KANK1: variants seen among roughly 807,000 people sequenced by gnomAD.
KANK1 encodes KN motif and ankyrin repeat domains 1.
In KANK1, 109 loss-of-function variants were observed where a neutral mutation model predicts 106.2. That is an observed-to-expected ratio of 1.03 (90% CI 0.88 to 1.20). KANK1 has a LOEUF of 1.20. Among genes scored for constraint, KANK1 ranks in the 50% most tolerant of loss-of-function variants. KANK1 has a pLI of 0.00. For synonymous variants in KANK1, 873 were observed against 652.2 expected, an observed-to-expected ratio of 1.34 and a Z score of -5.16; for missense variants, 2,399 against 1,710.7, an observed-to-expected ratio of 1.40 and a Z score of -7.10.
At chr9:677,836 C>T (rs1816704469) in intron 2 of KANK1, among the ~76,000 whole-genome samples, 1 of 152,140 alleles carries the variant, frequency 6.6e-6, no homozygotes, top group South Asian at 2.1e-4. Context: ...AGAATTGGAG[C>T]CAGGAAACCT....
chr9:525,768 G>C (rs931582850), intron 1 of KANK1, among the ~76,000 whole-genome samples: 1 of 151,542 alleles, frequency 6.6e-6, no homozygotes, highest in Non-Finnish European at 1.5e-5. Context: ...TGATATAGGA[G>C]AATAAGCAGC....
intron 1 of KANK1, among the ~76,000 whole-genome samples, chr9:604,019 T>C (rs1281585139): frequency 1.3e-5 from 2 of 151,616 alleles, no homozygotes; most frequent in African/African-American, 4.9e-5. Flanking sequence ...TCTTTGTCTT[T>C]GTTTTTTCAT....
At chr9:523,485 C>G (rs1401273601) in intron 1 of KANK1, among the ~76,000 whole-genome samples, 3 of 151,792 alleles carry the variant, frequency 2.0e-5, no homozygotes, top group Non-Finnish European at 2.9e-5. Context: ...CTTTTAAAAA[C>G]AAAAGTCACA....
At chr9:708,557 T>C (rs1824975900) in intron 2 of KANK1, among the ~76,000 whole-genome samples, 1 of 152,214 alleles carries the variant, frequency 6.6e-6, no homozygotes, top group African/African-American at 2.4e-5. Context: ...ACGTCCTTTT[T>C]ATTCCTCTGC....
chr9:722,556 C>A (rs1829627276), intron 3 of KANK1, among the ~76,000 whole-genome samples: 1 of 152,192 alleles, frequency 6.6e-6, no homozygotes, highest in Non-Finnish European at 1.5e-5. Context: ...GTCAGTCTTA[C>A]ATTGGTGCAT....
intron 1 of KANK1, among the ~76,000 whole-genome samples, chr9:616,223 C>G (rs761972964): frequency 6.6e-6 from 1 of 152,152 alleles, no homozygotes; most frequent in Non-Finnish European, 1.5e-5. Context: ...CCGGTCCTAC[C>G]TTATTGCATG....
chr9:563,643 G>T (rs1233534080), intron 1 of KANK1, among the ~76,000 whole-genome samples: 6 of 152,102 alleles, frequency 3.9e-5, no homozygotes, highest in Non-Finnish European at 5.9e-5. Context: ...CTTATCCTTG[G>T]GTGTGAGGTC....
chr9:490,174 G>GT (rs1475827466), intron 3 of KANK1, among the ~76,000 whole-genome samples: 1 of 152,136 alleles, frequency 6.6e-6, no homozygotes, highest in Admixed American at 6.5e-5. Context: ...AGTTTTAGTT[G>GT]TTTCTAGACA....
intron 1 of KANK1, among the ~76,000 whole-genome samples, chr9:592,495 C>T (rs1430253216): frequency 6.6e-6 from 1 of 151,850 alleles, no homozygotes; most frequent in Non-Finnish European, 1.5e-5. Flanking sequence ...CCCTAGTCCG[C>T]TCTTTCACTG....
chr9:616,573 C>G (rs1427235161), intron 1 of KANK1, among the ~76,000 whole-genome samples: 1 of 152,182 alleles, frequency 6.6e-6, no homozygotes. Flanking sequence ...TACTTTATAT[C>G]CTCTATCCTT....
At chr9:518,410 G>GTTTT (rs1417618295) in intron 1 of KANK1, among the ~76,000 whole-genome samples, 1 of 151,574 alleles carries the variant, frequency 6.6e-6, no homozygotes, top group Non-Finnish European at 1.5e-5. Context: ...GCCCAGGGCA[G>GTTTT]TTTTTACTTT....
chr9:526,701 C>T (rs144720290), intron 1 of KANK1, among the ~76,000 whole-genome samples: 7 of 151,882 alleles, frequency 4.6e-5, no homozygotes, highest in Non-Finnish European at 7.3e-5. Flanking sequence ...GATTCCCTCT[C>T]CTCAGAGGAA....
intron 1 of KANK1, among the ~76,000 whole-genome samples, chr9:531,914 G>A (rs763478723): frequency 1.3e-5 from 2 of 152,142 alleles, no homozygotes; most frequent in African/African-American, 2.4e-5. Flanking sequence ...AGAGAGAAGA[G>A]AACTTTTGTC....
At chr9:586,349 G>C (rs1823464946) in intron 1 of KANK1, among the ~76,000 whole-genome samples, 1 of 152,200 alleles carries the variant, frequency 6.6e-6, no homozygotes, top group South Asian at 2.1e-4. Context: ...CTCTGTAAGA[G>C]AGAGTGGATA....
At chr9:606,584 TA>T (rs35392451) in intron 1 of KANK1, among the ~76,000 whole-genome samples, 53,653 of 138,076 alleles carry the variant, frequency 0.39, 12,817 homozygotes, top group South Asian at 0.56. Context: ...GTGTGTTTTA[TA>T]AACCTATAAA....
At position 711,025 on chromosome 9, in the gene KANK1, A is replaced by G; in HGVS notation, c.259A>G (p.Thr87Ala). Residue 87 changes from threonine (T) to alanine (A), a missense_variant, in exon 3 of 12, where the codon ACT becomes GCT. Physicochemically the swap from Thr to Ala is moderately conservative, Grantham distance 58. Transcript: ENST00000382297. ...RTTSGQQGIWTSTESLSSSNS... is the reference protein window; with the variant it reads ...RTTSGQQGIWASTESLSSSNS... The stretch of plus-strand genomic sequence containing the variant: ...CACATCTGGTCAGCAAGGTATATGG[A>G]CTTCCACTGAATCCCTCTCATCCTC... The G allele has an allele frequency of 6.2e-7, 1 of 1,614,180 alleles. No individual in the cohort carries two copies. The highest frequency in any genetic ancestry group is 8.5e-7 in the Non-Finnish European group (1 of 1,180,026).
intron 8 of KANK1, 52 bp from the exon 9 acceptor site, chr9:740,740 G>T (rs998670288): frequency 6.3e-7 from 1 of 1,577,200 alleles, no homozygotes. Context: ...GTAAGCGGCT[G>T]CTATTAGAAG....
intron 2 of KANK1, chr9:471,397 G>C (rs375464055): frequency 6.6e-6 from 1 of 152,332 alleles, no homozygotes; most frequent in East Asian, 1.9e-4. Flanking sequence ...TGGGGAGCAT[G>C]CTGAGGAGAG....
At chr9:527,612 T>C (rs114462544) in intron 1 of KANK1, among the ~76,000 whole-genome samples, 6,132 of 151,664 alleles carry the variant, frequency 0.04, 171 homozygotes, top group Non-Finnish European at 0.053. Context: ...CTCTCTGGTC[T>C]TGGTAGAGAG....
Sources: gnomAD v4.1 joint callset for allele counts (sites outside exome capture counted in the v4.1 genomes callset) on GRCh38, gnomAD v4.1.1 for gene constraint, MANE v1.5 for transcripts, NCBI Gene and HGNC (gene_info 2026-07-23, HGNC 2026-07-21) for gene names.